Variants in PKHD1 observed in about 807,000 individuals in gnomAD.
The protein encoded by PKHD1 is PKHD1 ciliary IPT domain containing fibrocystin/polyductin, also known as fibrocystin.
PKHD1 carries 291 observed loss-of-function variants against 412.0 expected under a neutral mutation model. The observed-to-expected ratio is 0.71, with a 90% CI of 0.64 to 0.78. PKHD1 has a LOEUF of 0.78. Ranked by LOEUF, PKHD1 falls within the 30% of genes least tolerant of loss-of-function variation. The pLI is 0.00. For missense variants in PKHD1, 4,825 were observed against 4,950.7 expected (o/e 0.97, Z 0.76); for synonymous variants, 1,777 against 1,821.5 (o/e 0.98, Z 0.62).
chr6:52,048,640 A>AGTATTAAC (rs773668873), intron 22 of PKHD1, 21 bp from the exon 23 acceptor site: 15 of 1,613,700 alleles, frequency 9.3e-6, no homozygotes, highest in Non-Finnish European at 1.2e-5. Flanking sequence ...TCAGAAACAA[A>AGTATTAAC]GTATTAACGT....
At chr6:51,663,014 T>C (rs973586842) in intron 60 of PKHD1, among the ~76,000 whole-genome samples, 31 of 152,044 alleles carry the variant, frequency 2.0e-4, no homozygotes, top group African/African-American at 7.0e-4. Context: ...ATAGGCTAAC[T>C]CTAATGTTAA....
At chr6:51,995,948 A>G (rs1797662335) in intron 35 of PKHD1, among the ~76,000 whole-genome samples, 1 of 152,106 alleles carries the variant, frequency 6.6e-6, no homozygotes, top group Admixed American at 6.5e-5. Flanking sequence ...GGACTCAGAC[A>G]ATGCCTGGGA....
At chr6:51,895,552 C>CA (rs1372989631) in intron 43 of PKHD1, among the ~76,000 whole-genome samples, 1 of 152,166 alleles carries the variant, frequency 6.6e-6, no homozygotes, top group African/African-American at 2.4e-5. Flanking sequence ...TTTATACCTT[C>CA]ATTCGTTATA....
In PKHD1 at chr6:51,828,668, CAG is replaced by C. The variant is rs544905471; in HGVS notation, c.8302+2191_8302+2192del. On this transcript the variant is annotated intron_variant, in intron 52 of 66. Transcript: ENST00000371117. ...TGCTTACTGAACGTCTACTTTGCGC[CAG>C]AGTCAGGTGGACAAATTTATTTGAT... Among the ~76,000 whole-genome samples the C allele has an allele frequency of 3.1e-3, 478 of 152,150 alleles. 2 individuals are homozygous for C. The highest frequency in any genetic ancestry group is 0.011 in the African/African-American group (460 of 41,516).
At chr6:51,905,805 C>T (rs886220706) in intron 41 of PKHD1, among the ~76,000 whole-genome samples, 21 of 152,108 alleles carry the variant, frequency 1.4e-4, no homozygotes, top group Non-Finnish European at 2.9e-4. Context: ...GATTCTGAAA[C>T]ATGGGCTTCT....
rs1766233796 is a variant in PKHD1, at chr6:51,618,357, A to C, written c.*724T>G. 2 of 152,300 alleles carry C rather than the reference A, an allele frequency of 1.3e-5. No individual in the cohort carries two copies. Among genetic ancestry groups the C allele is most frequent in the African/African-American group, 4.8e-5 (2 of 41,446 alleles). The allele number at this position is 152,300 out of a possible 1,614,324, so 9.4% of individuals were successfully genotyped here. A position where few individuals can be genotyped will look rare whatever the true frequency, so the allele number is the denominator to read the frequency against. On this transcript the variant is annotated 3_prime_UTR_variant, in exon 67 of 67. Transcript: ENST00000371117. Reference sequence around the variant, plus strand: ...CACTGAAAAATAGAACAGTGGTCATACAAAATTTCCTTTCCCAAATTTGGC... The same window carrying C: ...CACTGAAAAATAGAACAGTGGTCATCCAAAATTTCCTTTCCCAAATTTGGC...
chr6:51,951,680 A>G (rs940757926), intron 36 of PKHD1, among the ~76,000 whole-genome samples: 4 of 152,316 alleles, frequency 2.6e-5, no homozygotes, highest in Non-Finnish European at 2.9e-5. Flanking sequence ...ATTGTATAGA[A>G]ACTATAATAA....
At chr6:51,888,232 G>A (rs1562538189) in intron 43 of PKHD1, among the ~76,000 whole-genome samples, 2 of 152,076 alleles carry the variant, frequency 1.3e-5, no homozygotes, top group Non-Finnish European at 2.9e-5. Context: ...TTCTTTATAG[G>A]TCTTACTATC....
rs1484052805 is a variant in PKHD1, at chr6:52,056,680, T to A, written c.1693+18A>T. 5 of 1,562,564 alleles carry A rather than the reference T, an allele frequency of 3.2e-6. No individual in the cohort carries two copies. The South Asian group carries it at 4.4e-5, about 14-fold the overall frequency. On this transcript the variant is annotated intron_variant, in intron 18 of 66. Transcript: ENST00000371117. ...ACCATGATGAAAAAGACAATCAGAA[T>A]GAAGCCACGGACAGCACCTCGTTCA...
intron 52 of PKHD1, among the ~76,000 whole-genome samples, chr6:51,826,147 A>C (rs12194937): frequency 0.36 from 54,891 of 152,046 alleles, 10,347 homozygotes; most frequent in Middle Eastern, 0.49. Flanking sequence ...TCATATCACC[A>C]ACCTATTATG....
rs200582522 is a variant in PKHD1 at position 51,889,993 on chromosome 6, AT to A, written c.6997-2749del. Among the ~76,000 whole-genome samples, 579 of 149,836 alleles carry A rather than the reference AT, an allele frequency of 3.9e-3. 3 individuals carry two copies. Among genetic ancestry groups the A allele is most frequent in the African/African-American group, 0.012 (470 of 40,832 alleles). On this transcript the variant is annotated intron_variant, in intron 43 of 66. Transcript: ENST00000371117. ...TCAGTGCAAGTTATATTTATGGTGG[AT>A]TTTTTTTTTCCCTTAGAAGTATTTT... is the stretch of plus-strand genomic sequence containing the variant.
intron 52 of PKHD1, among the ~76,000 whole-genome samples, chr6:51,816,799 G>A (rs1413103826): frequency 2.0e-5 from 3 of 152,280 alleles, no homozygotes; most frequent in East Asian, 1.9e-4. Flanking sequence ...ATGGCTGCAC[G>A]AGAGCCTCTT....
chr6:51,890,046 A>G lies in PKHD1; in HGVS notation c.6997-2801T>C, dbSNP rs562315177. ...TTTTTAAGTAATGATGAGTAGAATA[A>G]TAACACTCATAGTGAAAATCTACAG... On this transcript the variant is annotated intron_variant, in intron 43 of 66. Coordinates refer to ENST00000371117, the MANE Select transcript of PKHD1 (RefSeq NM_138694.4). Among the ~76,000 whole-genome samples the G allele has an allele frequency of 8.5e-5, 13 of 152,242 alleles. No homozygotes were observed. In the South Asian group the frequency reaches 2.3e-3, roughly 27 times the overall value.
intron 33 of PKHD1, among the ~76,000 whole-genome samples, chr6:52,018,606 C>A (rs966236065): frequency 2.6e-5 from 4 of 152,124 alleles, no homozygotes; most frequent in African/African-American, 9.7e-5. Context: ...TTCCGCCTCC[C>A]GGGTTCAAGC....
intron 22 of PKHD1, among the ~76,000 whole-genome samples, chr6:52,049,471 T>C (rs1806414898): frequency 6.6e-6 from 1 of 152,124 alleles, no homozygotes; most frequent in Non-Finnish European, 1.5e-5. Flanking sequence ...TGTGAATATA[T>C]ATATCCCTAC....
chr6:51,879,097 G>T (rs1392536183), intron 46 of PKHD1, among the ~76,000 whole-genome samples: 1 of 84,150 alleles, frequency 1.2e-5, no homozygotes, highest in Non-Finnish European at 2.1e-5. Context: ...ACAAACCACT[G>T]CTCAACGAAA....
rs35521028 is a variant in PKHD1, at chr6:51,632,517, C to CT, written c.11665+47dup. On this transcript the variant is annotated intron_variant, in intron 65 of 66. Coordinates refer to ENST00000371117, the MANE Select transcript of PKHD1 (RefSeq NM_138694.4). ...ATCATTAATATGTTATGTATGATGA[C>CT]TTTTTTTTCAGAAATTTTCATTCCA... The CT allele has an allele frequency of 0.028, 42,934 of 1,508,124 alleles. 838 individuals are homozygous for CT. Among genetic ancestry groups the CT allele is most frequent in the African/African-American group, 0.093 (6,672 of 71,968 alleles). The allele number at this position is 1,508,124 out of a possible 1,614,324, so 93.4% of individuals were successfully genotyped here. A position where few individuals can be genotyped will look rare whatever the true frequency, so the allele number is the denominator to read the frequency against.
In PKHD1 at chr6:51,908,161, C is replaced by T. The variant is rs187868456; in HGVS notation, c.6682+1122G>A. Among the ~76,000 whole-genome samples, 6 of 152,132 alleles carry T rather than the reference C, an allele frequency of 3.9e-5. No homozygotes were observed. In the East Asian group the frequency reaches 1.2e-3, roughly 29 times the overall value. On this transcript the variant is annotated intron_variant, in intron 40 of 66. Transcript: ENST00000371117. ...GAAGCACTAGCGGAGAGGCCATATG[C>T]GGAGCCATCCTCTGAAATGACTCAA...
chr6:51,840,088 G>A (rs788509), intron 50 of PKHD1, among the ~76,000 whole-genome samples: 59,180 of 151,652 alleles, frequency 0.39, 12,645 homozygotes, highest in East Asian at 0.71. Context: ...TCCCTGTCCT[G>A]ACTCACAAAT....
Sources: allele counts gnomAD v4.1 joint callset (sites outside exome capture counted in the v4.1 genomes callset), GRCh38; gene constraint gnomAD v4.1.1; transcripts MANE v1.5; gene names NCBI Gene and HGNC (gene_info 2026-07-23, HGNC 2026-07-21).